ERI1: variants seen among roughly 807,000 people sequenced by gnomAD.
ERI1 encodes exoribonuclease 1, also known as 3'-5' exoribonuclease 1.
Under a neutral mutation model 39.7 loss-of-function variants are expected in ERI1, and 39 were observed. The ratio of observed to expected loss-of-function variants is 0.98; its 90% CI spans 0.76 to 1.28. The LOEUF is 1.28. Ranked by LOEUF, ERI1 falls within the 50% of genes most tolerant of loss-of-function variation. The probability of loss-of-function intolerance (pLI) is 0.00; values close to 1 mark genes in which losing one functional copy is unlikely to be tolerated. For missense variants in ERI1, 581 were observed against 416.9 expected, an observed-to-expected ratio of 1.39 and a Z score of -3.43; for synonymous variants, 204 against 149.6, an observed-to-expected ratio of 1.36 and a Z score of -2.65.
chr8:9,058,937 C>G (rs1004626927), intron 3 of ERI1, among the ~76,000 whole-genome samples: 1 of 152,078 alleles, frequency 6.6e-6, no homozygotes, highest in Non-Finnish European at 1.5e-5. Flanking sequence ...TGTGAAGAGA[C>G]CACCAAACAG....
chr8:9,055,304 C>A (rs747249342), intron 3 of ERI1, among the ~76,000 whole-genome samples: 31 of 152,204 alleles, frequency 2.0e-4, no homozygotes, highest in Non-Finnish European at 4.0e-4. Flanking sequence ...ATTTACAACT[C>A]CATTGAGGTT....
At chr8:9,098,091 A>G (rs1170492076) in intron 3 of ERI1, among the ~76,000 whole-genome samples, 2 of 152,222 alleles carry the variant, frequency 1.3e-5, no homozygotes, top group African/African-American at 4.8e-5. Flanking sequence ...AGACATGAGA[A>G]TGATACAGTG....
At chr8:9,095,172 T>C (rs1229962424) in intron 3 of ERI1, among the ~76,000 whole-genome samples, 1 of 152,224 alleles carries the variant, frequency 6.6e-6, no homozygotes, top group African/African-American at 2.4e-5. Context: ...TAGGGCTTCA[T>C]GAGTGCTACC....
intron 3 of ERI1, among the ~76,000 whole-genome samples, chr8:9,045,885 G>A (rs1798161452): frequency 1.3e-5 from 2 of 151,796 alleles, no homozygotes; most frequent in Middle Eastern, 6.8e-3. Flanking sequence ...CACCGTGTTG[G>A]CCAGGCTGGT....
chr8:9,096,267 G>C (rs538804021), intron 3 of ERI1, among the ~76,000 whole-genome samples: 5 of 152,248 alleles, frequency 3.3e-5, no homozygotes, highest in Non-Finnish European at 5.9e-5. Context: ...GTCCTCTAAG[G>C]GTTTCCTGCT....
At chr8:9,006,210 T>A (rs1304475068) in intron 1 of ERI1, among the ~76,000 whole-genome samples, 1 of 150,562 alleles carries the variant, frequency 6.6e-6, no homozygotes, top group East Asian at 2.0e-4. Flanking sequence ...TAGTGTAGAT[T>A]TGAAATTTGG....
At chr8:9,042,341 C>T (rs1371287822) in intron 3 of ERI1, among the ~76,000 whole-genome samples, 7 of 152,120 alleles carry the variant, frequency 4.6e-5, no homozygotes, top group East Asian at 3.8e-4. Context: ...AATCTATTGC[C>T]CTGATCTCTC....
intron 3 of ERI1, among the ~76,000 whole-genome samples, chr8:9,057,878 A>T (rs1002639133): frequency 1.3e-5 from 2 of 152,156 alleles, no homozygotes; most frequent in Admixed American, 6.5e-5. Flanking sequence ...GGCACCAACC[A>T]TGGGGAAGAA....
At chr8:9,036,728 G>A (rs1462288938), downstream of ERI1, among the ~76,000 whole-genome samples, 1 of 152,046 alleles carries the variant, frequency 6.6e-6, no homozygotes, top group African/African-American at 2.4e-5. Flanking sequence ...CAAAAGAGGA[G>A]CAAGGTTGTG....
intron 3 of ERI1, among the ~76,000 whole-genome samples, chr8:9,076,811 T>C (rs891590444): frequency 1.3e-5 from 2 of 152,200 alleles, no homozygotes; most frequent in African/African-American, 4.8e-5. Context: ...GGGATGTGTG[T>C]TCTCCTGCAG....
At chr8:9,098,908 A>G (rs998335731) in intron 3 of ERI1, among the ~76,000 whole-genome samples, 2 of 152,124 alleles carry the variant, frequency 1.3e-5, no homozygotes, top group African/African-American at 4.8e-5. Context: ...AGCTCGGCTC[A>G]CTGCAACCTC....
chr8:9,007,752 A>G (rs1174793538), intron 1 of ERI1, among the ~76,000 whole-genome samples: 9 of 151,958 alleles, frequency 5.9e-5, no homozygotes, highest in East Asian at 1.9e-4. Flanking sequence ...CCTTTGAGGA[A>G]CCTCATGACT....
downstream of ERI1, among the ~76,000 whole-genome samples, chr8:9,036,991 C>G: frequency 6.6e-6 from 1 of 152,196 alleles, no homozygotes; most frequent in South Asian, 2.1e-4. Flanking sequence ...ATTGTCCAGT[C>G]ACTTTATCCT....
intron 6 of ERI1, among the ~76,000 whole-genome samples, chr8:9,027,570 C>G (rs1033802813): frequency 3.9e-5 from 6 of 152,096 alleles, no homozygotes; most frequent in African/African-American, 1.2e-4. Context: ...TGTCATAAAG[C>G]CTTTTCCATA....
intron 3 of ERI1, among the ~76,000 whole-genome samples, chr8:9,083,000 A>G (rs987913760): frequency 2.6e-5 from 4 of 152,242 alleles, no homozygotes; most frequent in African/African-American, 9.6e-5. Flanking sequence ...AATTTTTAAC[A>G]TAGGCATTTC....
chr8:9,028,023 A>T (rs938142295), intron 6 of ERI1, among the ~76,000 whole-genome samples: 1 of 152,128 alleles, frequency 6.6e-6, no homozygotes, highest in Non-Finnish European at 1.5e-5. Context: ...GGGGATATTG[A>T]TCTGTAATTT....
chr8:9,004,171 T>G (rs1271694023), intron 1 of ERI1: 1 of 1,288,728 alleles, frequency 7.8e-7, no homozygotes, highest in Non-Finnish European at 1.0e-6. Context: ...CTTTGGATCC[T>G]TGCAATTATC....
rs186413439 is a variant in ERI1, at chr8:9,077,655, A to G, written n.300-38693A>G. 2.1e-3 allele frequency among the ~76,000 whole-genome samples: 327 copies of G among 152,300 alleles called. 1 individual carries two copies. Among genetic ancestry groups the G allele is most frequent in the African/African-American group, 7.4e-3 (309 of 41,572 alleles). On this transcript the variant is annotated intron_variant and non_coding_transcript_variant, in intron 3 of 3. Transcript: ENST00000518663. ...CAGGCAGCAGACCTCAGAGGAATAC[A>G]TTGGTAGCCTATGGTAAAAGTCTCT...
At chr8:9,058,897 C>G (rs1325687411) in intron 3 of ERI1, among the ~76,000 whole-genome samples, 3 of 152,034 alleles carry the variant, frequency 2.0e-5, no homozygotes, top group African/African-American at 7.3e-5. Context: ...TTTTAACCGT[C>G]TCATACAAAC....
Sources: gnomAD v4.1 joint callset for allele counts (sites outside exome capture counted in the v4.1 genomes callset) on GRCh38, gnomAD v4.1.1 for gene constraint, MANE v1.5 for transcripts, NCBI Gene and HGNC (gene_info 2026-07-23, HGNC 2026-07-21) for gene names.